The following TMCC1 variants were observed in gnomAD, a reference collection of about 807,000 sequenced individuals.
The protein encoded by TMCC1 is transmembrane and coiled-coil domain family 1.
In TMCC1, 15 loss-of-function variants were observed where a neutral mutation model predicts 52.4. The ratio of observed to expected loss-of-function variants is 0.29; its 90% CI spans 0.19 to 0.44. TMCC1 has a LOEUF of 0.44. TMCC1 is among the 20% of genes least tolerant of loss of function. The pLI, the probability that TMCC1 is intolerant of heterozygous loss-of-function variation, is 1.00. For synonymous variants in TMCC1, 279 were observed against 301.9 expected, an observed-to-expected ratio of 0.92 and a Z score of 0.79; for missense variants, 503 against 806.0, an observed-to-expected ratio of 0.62 and a Z score of 4.55.
intron 2 of TMCC1, among the ~76,000 whole-genome samples, chr3:129,834,481 T>C (rs1449494593): frequency 1.3e-5 from 2 of 152,112 alleles, no homozygotes; most frequent in East Asian, 3.9e-4. Flanking sequence ...AATTTACAGT[T>C]GAAAAACCTA....
Position 129,780,990 on chromosome 3 carries a change from C to T in TMCC1, c.576+46813G>A, listed in dbSNP as rs114370319. ...AAGCTGCATTTCAAGTCACATGAGG[C>T]TAGTGACTATAACACTGGCCATCAC... On this transcript the variant is annotated intron_variant, in intron 4 of 6. Coordinates refer to ENST00000393238, the MANE Select transcript of TMCC1 (RefSeq NM_001017395.5). Among the ~76,000 whole-genome samples the T allele has an allele frequency of 1.4e-3, 217 of 152,258 alleles. 1 individual carries two copies. The highest frequency in any genetic ancestry group is 4.9e-3 in the African/African-American group (204 of 41,564).
In TMCC1 at chr3:129,649,545, T is replaced by C. The variant is rs956373155; in HGVS notation, c.*1936A>G. On this transcript the variant is annotated 3_prime_UTR_variant, in exon 7 of 7. Coordinates refer to ENST00000393238, the MANE Select transcript of TMCC1 (RefSeq NM_001017395.5). ...AGGTTGGGGTGAAGACTGGAGTACCTGAGTTAAAATATCAAAGTAGTTATG... is the reference window on the plus strand; with the variant it reads ...AGGTTGGGGTGAAGACTGGAGTACCCGAGTTAAAATATCAAAGTAGTTATG... 2 of 152,522 alleles carry C rather than the reference T, an allele frequency of 1.3e-5. No homozygotes were observed. The highest frequency in any genetic ancestry group is 4.8e-5 in the African/African-American group (2 of 41,394). 9.4% of individuals were successfully genotyped at this position (152,522 alleles called of 1,614,324 possible).
intron 2 of TMCC1, among the ~76,000 whole-genome samples, chr3:129,876,405 T>C (rs1467534774): frequency 6.6e-6 from 1 of 151,156 alleles, no homozygotes; most frequent in African/African-American, 2.4e-5. Flanking sequence ...GAAAGAAGAG[T>C]AGCTGACAGC....
chr3:129,853,082 G>A (rs2059987706), intron 2 of TMCC1, among the ~76,000 whole-genome samples: 1 of 152,132 alleles, frequency 6.6e-6, no homozygotes, highest in Admixed American at 6.5e-5. Context: ...CATTCATGAA[G>A]TATTTTTCAG....
chr3:129,797,992 T>TTC (rs1394162743), intron 4 of TMCC1, among the ~76,000 whole-genome samples: 1 of 150,518 alleles, frequency 6.6e-6, no homozygotes, highest in Non-Finnish European at 1.5e-5. Flanking sequence ...GTGCCTTTTT[T>TTC]TTTTTTTTCT....
chr3:129,836,249 C>T (rs749638279), intron 2 of TMCC1, among the ~76,000 whole-genome samples: 1 of 151,930 alleles, frequency 6.6e-6, no homozygotes, highest in Non-Finnish European at 1.5e-5. Flanking sequence ...AGAAAAAATC[C>T]ATAATCATAA....
intron 4 of TMCC1, among the ~76,000 whole-genome samples, chr3:129,698,390 C>T (rs2047567406): frequency 6.6e-6 from 1 of 152,096 alleles, no homozygotes; most frequent in Non-Finnish European, 1.5e-5. Context: ...CACTGGGTCC[C>T]ACGACACATG....
At chr3:129,713,711 C>CAA (rs113963331) in intron 4 of TMCC1, among the ~76,000 whole-genome samples, 20 of 60,142 alleles carry the variant, frequency 3.3e-4, no homozygotes, top group African/African-American at 6.6e-4. Context: ...ACCCCCATCT[C>CAA]AAAAAAAAAA....
At chr3:129,674,904 G>A (rs746614080) in intron 4 of TMCC1, among the ~76,000 whole-genome samples, 3 of 151,946 alleles carry the variant, frequency 2.0e-5, no homozygotes, top group Non-Finnish European at 4.4e-5. Context: ...GCAAAGGCGC[G>A]ACGTCAGCTC....
intron 2 of TMCC1, among the ~76,000 whole-genome samples, chr3:129,873,385 A>C (rs1373658780): frequency 8.6e-5 from 13 of 152,022 alleles, no homozygotes; most frequent in African/African-American, 3.1e-4. Flanking sequence ...AAAAAAAAAA[A>C]AACGGACACA....
At chr3:129,679,179 C>T (rs528125928) in intron 4 of TMCC1, among the ~76,000 whole-genome samples, 4 of 152,336 alleles carry the variant, frequency 2.6e-5, no homozygotes, top group African/African-American at 4.8e-5. Context: ...GGGCTTTTCA[C>T]GCAGTGAGTG....
intron 4 of TMCC1, chr3:129,688,816 A>G (rs1468780723): frequency 1.1e-6 from 1 of 894,420 alleles, no homozygotes. Context: ...TAAAAGACAA[A>G]AGCACCACAC....
intron 2 of TMCC1, chr3:129,847,259 A>G (rs1000551752): frequency 6.6e-6 from 1 of 152,232 alleles, no homozygotes; most frequent in Non-Finnish European, 1.5e-5. Context: ...AAAGTCAGAA[A>G]TATGGTCAAG....
At chr3:129,821,968 G>A (rs892403905) in intron 4 of TMCC1, among the ~76,000 whole-genome samples, 2 of 152,116 alleles carry the variant, frequency 1.3e-5, no homozygotes, top group Admixed American at 6.5e-5. Flanking sequence ...AGAGGCTAAG[G>A]TGGGTGGTCA....
chr3:129,776,411 T>C (rs6780347), intron 4 of TMCC1, among the ~76,000 whole-genome samples: 14,007 of 152,176 alleles, frequency 0.092, 2,102 homozygotes, highest in African/African-American at 0.32. Context: ...GATTTGGGCA[T>C]CTTCCACATG....
intron 4 of TMCC1, among the ~76,000 whole-genome samples, chr3:129,672,613 AC>A (rs1017280371): frequency 8.5e-5 from 13 of 152,304 alleles, no homozygotes; most frequent in African/African-American, 2.2e-4. Flanking sequence ...AAATAAAAAA[AC>A]AAACCTGCTC....
At chr3:129,813,790 C>A (rs537295440) in intron 4 of TMCC1, among the ~76,000 whole-genome samples, 18 of 150,710 alleles carry the variant, frequency 1.2e-4, no homozygotes, top group African/African-American at 4.4e-4. Flanking sequence ...ACTCCTGAAC[C>A]TAAAATAAAA....
chr3:129,659,094 C>CTTTT (rs902362203), intron 5 of TMCC1, among the ~76,000 whole-genome samples: 12 of 129,994 alleles, frequency 9.2e-5, no homozygotes, highest in Non-Finnish European at 1.5e-4. Context: ...TTCTTTCTTT[C>CTTTT]TTTTTTTTTT....
At position 129,776,024 on chromosome 3, in the gene TMCC1, C is replaced by T. The variant is rs540788532; in HGVS notation, c.576+51779G>A. ...CTCATCTACACTGGTCAAGTTCTCC[C>T]GTTGTTAGGGCCTTTGCACTAAGGA... On this transcript the variant is annotated intron_variant, in intron 4 of 6. Transcript: ENST00000393238. Among the ~76,000 whole-genome samples the T allele has an allele frequency of 4.6e-5, 7 of 152,274 alleles. No homozygotes were observed. The East Asian group carries it at 7.7e-4, about 17-fold the overall frequency.
Sources: allele counts gnomAD v4.1 joint callset (sites outside exome capture counted in the v4.1 genomes callset), GRCh38; gene constraint gnomAD v4.1.1; transcripts MANE v1.5; gene names NCBI Gene and HGNC (gene_info 2026-07-23, HGNC 2026-07-21).